The following CALN1 variants were observed in gnomAD, a reference collection of about 807,000 sequenced individuals.
The protein encoded by CALN1 is calneuron 1.
In CALN1, 17 loss-of-function variants were observed where a neutral mutation model predicts 30.6. That is an observed-to-expected ratio of 0.56 (90% CI 0.38 to 0.83). The LOEUF is 0.83. Ranked by LOEUF, CALN1 falls within the 40% of genes least tolerant of loss-of-function variation. The pLI is 0.00. For synonymous variants in CALN1, 156 were observed against 131.4 expected, an observed-to-expected ratio of 1.19 and a Z score of -1.28; for missense variants, 291 against 354.9, an observed-to-expected ratio of 0.82 and a Z score of 1.45.
At chr7:72,331,688 GTTTT>G (rs776261603) in intron 2 of CALN1, among the ~76,000 whole-genome samples, 2 of 151,644 alleles carry the variant, frequency 1.3e-5, no homozygotes, top group Non-Finnish European at 2.9e-5. Context: ...CTGTTACCTT[GTTTT>G]TTTTCCAAGT....
rs927763790 is a variant in CALN1 at position 71,787,065 on chromosome 7, A to C, written c.*710T>G. 6.5e-6 allele frequency: 1 copy of C among 152,822 alleles called. No individual in the cohort carries two copies. The highest frequency in any genetic ancestry group is 3.4e-3 in the Middle Eastern group (1 of 294). The allele number at this position is 152,822 out of a possible 1,614,324, so 9.5% of individuals were successfully genotyped here. On this transcript the variant is annotated 3_prime_UTR_variant, in exon 7 of 7. Coordinates refer to ENST00000395275, the MANE Select transcript of CALN1 (RefSeq NM_031468.4). The stretch of plus-strand genomic sequence containing the variant: ...GGAGAAAGGCTCTCTGCAGGTTCCA[A>C]AATGCTGGTGCGGGATGGGCTCTAG...
At chr7:71,844,868 T>G (rs1261695066) in intron 5 of CALN1, among the ~76,000 whole-genome samples, 1 of 152,042 alleles carries the variant, frequency 6.6e-6, no homozygotes. Flanking sequence ...TCCATCTGAG[T>G]TCTTTAATGT....
At chr7:72,073,242 G>T (rs901682671) in intron 4 of CALN1, among the ~76,000 whole-genome samples, 2 of 152,146 alleles carry the variant, frequency 1.3e-5, no homozygotes, top group African/African-American at 4.8e-5. Flanking sequence ...GACAGGAACT[G>T]GGGGGAAGGG....
At chr7:72,334,224 G>A (rs1801855296) in intron 2 of CALN1, among the ~76,000 whole-genome samples, 1 of 152,116 alleles carries the variant, frequency 6.6e-6, no homozygotes, top group Non-Finnish European at 1.5e-5. Context: ...TCTATCAATT[G>A]GAATTTCTCT....
chr7:72,473,240 C>T, the CALN1 span, among the ~76,000 whole-genome samples: 1 of 151,984 alleles, frequency 6.6e-6, no homozygotes, highest in African/African-American at 2.4e-5. Context: ...CATGAGCCAC[C>T]GTGCCCGGCC....
At chr7:71,811,783 A>G (rs1422772736) in intron 5 of CALN1, among the ~76,000 whole-genome samples, 1 of 151,204 alleles carries the variant, frequency 6.6e-6, no homozygotes, top group Non-Finnish European at 1.5e-5. Context: ...GGTTCAAGCA[A>G]TTCTCCTTCC....
At chr7:72,357,543 T>TA (rs1326396546) in intron 2 of CALN1, among the ~76,000 whole-genome samples, 2 of 151,880 alleles carry the variant, frequency 1.3e-5, no homozygotes, top group African/African-American at 4.9e-5. Context: ...GCCTTGATCT[T>TA]ACCATGAGCA....
At chr7:72,371,666 AGCAT>A (rs1041817455) in intron 2 of CALN1, among the ~76,000 whole-genome samples, 10 of 152,228 alleles carry the variant, frequency 6.6e-5, no homozygotes, top group African/African-American at 2.4e-4. Flanking sequence ...GGACTAATGT[AGCAT>A]GTATGTATGC....
chr7:71,832,521 C>G (rs1789350005), intron 5 of CALN1, among the ~76,000 whole-genome samples: 1 of 152,174 alleles, frequency 6.6e-6, no homozygotes, highest in African/African-American at 2.4e-5. Flanking sequence ...TTCCCAGATG[C>G]CAAGGTGACT....
At chr7:71,831,901 A>C (rs866502579) in intron 5 of CALN1, among the ~76,000 whole-genome samples, 21 of 143,528 alleles carry the variant, frequency 1.5e-4, no homozygotes, top group Non-Finnish European at 2.9e-4. Flanking sequence ...AAAAAAACAA[A>C]CCAAAAACAA....
chr7:72,403,760 C>T (rs1458072050), intron 1 of CALN1, among the ~76,000 whole-genome samples: 2 of 152,178 alleles, frequency 1.3e-5, no homozygotes. Flanking sequence ...AAGCTATAGC[C>T]GCCAAAGTGA....
rs142661618 is a variant in CALN1, at chr7:72,204,927, C to A, written c.244+73759G>T. ...CTGCTGTACACATATTGTCTAAATT[C>A]CATACCAAAAAATTCTACAATTTTA... On this transcript the variant is annotated intron_variant, in intron 3 of 6. Coordinates refer to ENST00000395275, the MANE Select transcript of CALN1 (RefSeq NM_031468.4). Among the ~76,000 whole-genome samples, 1,273 of 152,146 alleles carry A rather than the reference C, an allele frequency of 8.4e-3. 13 individuals are homozygous for A. The highest frequency in any genetic ancestry group is 0.029 in the African/African-American group (1,209 of 41,518).
At chr7:72,109,216 T>C (rs972862285) in intron 3 of CALN1, among the ~76,000 whole-genome samples, 3 of 152,126 alleles carry the variant, frequency 2.0e-5, no homozygotes, top group South Asian at 2.1e-4. Flanking sequence ...CTGGGAAGAA[T>C]TGTGGGCCCC....
chr7:71,896,547 T>C (rs1051640421), intron 5 of CALN1, among the ~76,000 whole-genome samples: 38 of 152,156 alleles, frequency 2.5e-4, no homozygotes, highest in African/African-American at 3.6e-4. Flanking sequence ...GAGAATCTTA[T>C]GGGAATTCAC....
rs1804548803 is a variant in CALN1 at position 72,073,669 on chromosome 7, C to T, written c.388+32482G>A. Reference sequence around the variant, plus strand: ...TCCTGTCTTCCTTCTCCCCTCCCCTCCCCTCCCTTCTCCTCTCCTCTCCTC... The same window carrying T: ...TCCTGTCTTCCTTCTCCCCTCCCCTTCCCTCCCTTCTCCTCTCCTCTCCTC... On this transcript the variant is annotated intron_variant, in intron 4 of 6. Coordinates refer to ENST00000395275, the MANE Select transcript of CALN1 (RefSeq NM_031468.4). Among the ~76,000 whole-genome samples the T allele has an allele frequency of 2.6e-5, 4 of 151,116 alleles. No individual in the cohort carries two copies. The South Asian group carries it at 8.4e-4, about 32-fold the overall frequency.
intron 4 of CALN1, among the ~76,000 whole-genome samples, chr7:72,089,701 A>G (rs1361528264): frequency 6.6e-6 from 1 of 152,198 alleles, no homozygotes; most frequent in East Asian, 1.9e-4. Context: ...ACAGGACTCA[A>G]AAGCATTTAA....
At chr7:72,218,212 G>A (rs1434556177) in intron 3 of CALN1, among the ~76,000 whole-genome samples, 4 of 151,730 alleles carry the variant, frequency 2.6e-5, no homozygotes, top group Non-Finnish European at 5.9e-5. Context: ...ACTTTGAGAG[G>A]ACGAGGCAGG....
chr7:72,305,585 T>C (rs1799593063), intron 2 of CALN1, among the ~76,000 whole-genome samples: 1 of 152,088 alleles, frequency 6.6e-6, no homozygotes, highest in East Asian at 1.9e-4. Flanking sequence ...GGCTGAGGCC[T>C]CTCCCAAGAC....
At chr7:71,958,808 C>T (rs1797097330) in intron 5 of CALN1, among the ~76,000 whole-genome samples, 1 of 152,160 alleles carries the variant, frequency 6.6e-6, no homozygotes, top group Admixed American at 6.5e-5. Context: ...AAGGCAGCTC[C>T]TCCTGCACTG....
Sources: gnomAD v4.1 joint callset for allele counts (sites outside exome capture counted in the v4.1 genomes callset) on GRCh38, gnomAD v4.1.1 for gene constraint, MANE v1.5 for transcripts, NCBI Gene and HGNC (gene_info 2026-07-23, HGNC 2026-07-21) for gene names.